CNTN5: variants seen among roughly 807,000 people sequenced by gnomAD.
The protein encoded by CNTN5 is contactin-5.
CNTN5 carries 77 observed loss-of-function variants against 129.1 expected under a neutral mutation model. That is an observed-to-expected ratio of 0.60 (90% confidence interval 0.50 to 0.72). The LOEUF (loss-of-function observed/expected upper bound fraction) is 0.72. CNTN5 is among the 30% of genes least tolerant of loss of function. The pLI, the probability that CNTN5 is intolerant of heterozygous loss-of-function variation, is 0.00. For synonymous variants in CNTN5, 509 were observed against 465.6 expected (o/e 1.09, Z -1.20); for missense variants, 1,478 against 1,328.8 (o/e 1.11, Z -1.75).
chr11:99,732,872 C>T (rs963659992), intron 3 of CNTN5, among the ~76,000 whole-genome samples: 1 of 152,100 alleles, frequency 6.6e-6, no homozygotes, highest in Non-Finnish European at 1.5e-5. Flanking sequence ...TGTGATGAAG[C>T]ATTTTTAAAA....
intron 2 of CNTN5, among the ~76,000 whole-genome samples, chr11:99,336,882 T>A (rs765380213): frequency 6.6e-6 from 1 of 151,764 alleles, no homozygotes; most frequent in Non-Finnish European, 1.5e-5. Flanking sequence ...ACAGTAGATA[T>A]AGAAAGAAGA....
chr11:100,270,511 T>A (rs2138780861), intron 17 of CNTN5, among the ~76,000 whole-genome samples: 1 of 152,292 alleles, frequency 6.6e-6, no homozygotes, highest in African/African-American at 2.4e-5. Flanking sequence ...CATGTAAAAA[T>A]ACTTCACTAA....
chr11:100,187,089 TCTC>T (rs1202739654), intron 13 of CNTN5, among the ~76,000 whole-genome samples: 1 of 152,154 alleles, frequency 6.6e-6, no homozygotes, highest in East Asian at 1.9e-4. Context: ...GTTTTATAGT[TCTC>T]CTTATAGAGA....
chr11:100,112,973 A>G (rs1266316025), intron 13 of CNTN5, among the ~76,000 whole-genome samples: 3 of 152,156 alleles, frequency 2.0e-5, no homozygotes, highest in Non-Finnish European at 2.9e-5. Flanking sequence ...TATATATCCT[A>G]CTCATCAAAT....
chr11:99,794,400 T>G (rs1945861699), intron 3 of CNTN5, among the ~76,000 whole-genome samples: 2 of 152,168 alleles, frequency 1.3e-5, no homozygotes. Context: ...TGCCTTTTAT[T>G]GGGGCATTTT....
intron 3 of CNTN5, among the ~76,000 whole-genome samples, chr11:99,657,470 G>A (rs112738993): frequency 7.2e-5 from 11 of 151,962 alleles, no homozygotes; most frequent in Non-Finnish European, 1.3e-4. Flanking sequence ...TGCTGTACAC[G>A]GTGACACAAA....
At chr11:99,787,851 C>T (rs1945591154) in intron 3 of CNTN5, among the ~76,000 whole-genome samples, 1 of 151,884 alleles carries the variant, frequency 6.6e-6, no homozygotes, top group South Asian at 2.1e-4. Context: ...AAAATTTCTC[C>T]TTATACCATT....
chr11:99,463,447 A>AAAG (rs1944808288), intron 2 of CNTN5, among the ~76,000 whole-genome samples: 2 of 150,548 alleles, frequency 1.3e-5, no homozygotes, highest in African/African-American at 4.9e-5. Flanking sequence ...CAAAAAGAAA[A>AAAG]AAAAAAAAAA....
chr11:99,335,968 T>A (rs563445952), intron 2 of CNTN5, among the ~76,000 whole-genome samples: 1 of 152,264 alleles, frequency 6.6e-6, no homozygotes, highest in East Asian at 1.9e-4. Flanking sequence ...TATAGTCAGA[T>A]TCCCTGGAAA....
chr11:99,127,052 C>A (rs1354938212), intron 1 of CNTN5, among the ~76,000 whole-genome samples: 1 of 152,060 alleles, frequency 6.6e-6, no homozygotes, highest in African/African-American at 2.4e-5. Context: ...TCTTTACTCC[C>A]AATTCCAACT....
chr11:99,775,076 A>G (rs1478636870), intron 3 of CNTN5, among the ~76,000 whole-genome samples: 1 of 152,038 alleles, frequency 6.6e-6, no homozygotes, highest in Admixed American at 6.6e-5. Flanking sequence ...ATCTCTGCAG[A>G]TGCTCTATAG....
chr11:99,812,013 A>G (rs1264254938), intron 3 of CNTN5, among the ~76,000 whole-genome samples: 1 of 152,062 alleles, frequency 6.6e-6, no homozygotes, highest in Non-Finnish European at 1.5e-5. Flanking sequence ...GTCCTGTATG[A>G]TGGGAGAATA....
intron 2 of CNTN5, among the ~76,000 whole-genome samples, chr11:99,402,679 C>G (rs1481199163): frequency 6.6e-6 from 1 of 152,108 alleles, no homozygotes; most frequent in African/African-American, 2.4e-5. Flanking sequence ...TGGTAGAATT[C>G]AGCAGTGAAG....
intron 6 of CNTN5, among the ~76,000 whole-genome samples, chr11:99,869,847 C>A (rs1161384515): frequency 1.3e-5 from 2 of 152,258 alleles, no homozygotes; most frequent in East Asian, 3.9e-4. Flanking sequence ...AAAGGTAACT[C>A]CTCCCTTAGG....
At chr11:99,520,431 GAA>G (rs1488502439) in intron 2 of CNTN5, among the ~76,000 whole-genome samples, 1 of 152,070 alleles carries the variant, frequency 6.6e-6, no homozygotes. Flanking sequence ...GCTTACACAA[GAA>G]AGATAGGATG....
chr11:99,071,958 A>C (rs1384068964), intron 1 of CNTN5, among the ~76,000 whole-genome samples: 3 of 152,182 alleles, frequency 2.0e-5, no homozygotes, highest in Non-Finnish European at 4.4e-5. Flanking sequence ...AATAAAAAAA[A>C]AGAAGGAAGT....
chr11:99,845,412 GCC>G (rs1947657171), intron 6 of CNTN5, 150 bp downstream of exon 6: 9 of 384,512 alleles, frequency 2.3e-5, no homozygotes, highest in Non-Finnish European at 3.5e-5. Flanking sequence ...TCGCTCTGTC[GCC>G]CAGGCTGGAG....
At chr11:99,799,433 T>C (rs1946047105) in intron 3 of CNTN5, among the ~76,000 whole-genome samples, 1 of 151,916 alleles carries the variant, frequency 6.6e-6, no homozygotes, top group Admixed American at 6.6e-5. Flanking sequence ...TTCAATGCCT[T>C]GTTTCTGAGA....
intron 6 of CNTN5, among the ~76,000 whole-genome samples, chr11:99,873,280 AT>A (rs765332025): frequency 7.2e-5 from 11 of 151,994 alleles, no homozygotes; most frequent in Non-Finnish European, 1.2e-4. Flanking sequence ...TAAAAAAAAA[AT>A]ACGCCTTTTT....
Sources: allele counts gnomAD v4.1 joint callset (sites outside exome capture counted in the v4.1 genomes callset), GRCh38; gene constraint gnomAD v4.1.1; transcripts MANE v1.5; gene names NCBI Gene and HGNC (gene_info 2026-07-23, HGNC 2026-07-21).